Variants in CTNND2 observed in about 807,000 individuals in gnomAD.
CTNND2 encodes the protein catenin delta 2.
CTNND2 carries 22 observed loss-of-function variants against 144.4 expected under a neutral mutation model. The ratio of observed to expected loss-of-function variants is 0.15; its 90% confidence interval spans 0.11 to 0.22. The LOEUF (loss-of-function observed/expected upper bound fraction) is 0.22. CTNND2 is among the 10% of genes least tolerant of loss of function. The pLI is 1.00. For missense variants in CTNND2, 1,353 were observed against 1,618.8 expected, an observed-to-expected ratio of 0.84 and a Z score of 2.82; for synonymous variants, 751 against 695.6, an observed-to-expected ratio of 1.08 and a Z score of -1.25.
rs1171276873 is a variant in CTNND2, at chr5:11,470,980, ATTT to A, written c.288-58914_288-58912del. Among the ~76,000 whole-genome samples the A allele has an allele frequency of 1.2e-3, 110 of 91,452 alleles. 1 individual carries two copies. Among genetic ancestry groups the A allele is most frequent in the Middle Eastern group, 6.8e-3 (1 of 148 alleles). The allele number at this position is 91,452 out of a possible 152,430, so 60.0% of individuals were successfully genotyped here. ...TATATATATATATATATATATATAT[ATTT>A]TTTTTTTTTTTTTAGATGGAGTCTC... On this transcript the variant is annotated intron_variant, in intron 3 of 21. Coordinates refer to ENST00000304623, the MANE Select transcript of CTNND2 (RefSeq NM_001332.4).
chr5:11,018,480 C>G (rs1024920719), intron 17 of CTNND2, among the ~76,000 whole-genome samples: 14 of 152,150 alleles, frequency 9.2e-5, no homozygotes, highest in African/African-American at 3.1e-4. Context: ...CAACCCAAGA[C>G]GGGCCAAAAG....
In CTNND2 at chr5:10,973,209, G is replaced by T; in HGVS notation, c.*244C>A. On this transcript the variant is annotated 3_prime_UTR_variant, in exon 22 of 22. Transcript: ENST00000304623. The surrounding 1 kb of genome is among the most constrained non-coding windows in gnomAD (Gnocchi z 5.6). Reference sequence around the variant, plus strand: ...CACTTCTCGTTACTCTACAGCTCACGCTAGAAAGGTGCTGCCCACTGTCAT... The same window carrying T: ...CACTTCTCGTTACTCTACAGCTCACTCTAGAAAGGTGCTGCCCACTGTCAT... The T allele has an allele frequency of 2.2e-6, 1 of 448,408 alleles. No homozygotes were observed. Among genetic ancestry groups the T allele is most frequent in the Non-Finnish European group, 3.9e-6 (1 of 257,400 alleles). 27.8% of individuals were successfully genotyped at this position (448,408 alleles called of 1,614,324 possible).
chr5:11,050,750 C>G (rs79262624), intron 16 of CTNND2, among the ~76,000 whole-genome samples: 2,525 of 152,298 alleles, frequency 0.017, 81 homozygotes, highest in African/African-American at 0.058. Context: ...ACTTGTGCAA[C>G]ATTTGGCCCC....
At chr5:10,980,071 A>G (rs1737021938) in intron 21 of CTNND2, among the ~76,000 whole-genome samples, 1 of 152,334 alleles carries the variant, frequency 6.6e-6, no homozygotes, top group Non-Finnish European at 1.5e-5. Context: ...AATTAAATTA[A>G]GAGCTCCTGC....
At chr5:11,482,302 T>A (rs1428493795) in intron 3 of CTNND2, among the ~76,000 whole-genome samples, 2 of 151,996 alleles carry the variant, frequency 1.3e-5, no homozygotes, top group Non-Finnish European at 2.9e-5. Flanking sequence ...GATAGTGAGG[T>A]CTCCTGGTGA....
intron 21 of CTNND2, among the ~76,000 whole-genome samples, chr5:10,975,991 G>A (rs1736421860): frequency 6.6e-6 from 1 of 152,136 alleles, no homozygotes; most frequent in Admixed American, 6.5e-5. Flanking sequence ...TCATTCATCT[G>A]TACTGTTCAT....
In CTNND2 at chr5:11,765,169, T is replaced by G. The variant is rs535117972; in HGVS notation, c.38-32897A>C. Among the ~76,000 whole-genome samples, 14 of 152,264 alleles carry G rather than the reference T, an allele frequency of 9.2e-5. 1 individual carries two copies. The highest frequency in any genetic ancestry group is 3.4e-4 in the African/African-American group (14 of 41,538). On this transcript the variant is annotated intron_variant, in intron 1 of 21. Coordinates refer to ENST00000304623, the MANE Select transcript of CTNND2 (RefSeq NM_001332.4). ...GTCAGAGGATCTTGCAGTTCTGTGG[T>G]TCTAGGCTAAGGGCAGATGAATTAA... is the stretch of plus-strand genomic sequence containing the variant.
intron 1 of CTNND2, among the ~76,000 whole-genome samples, chr5:11,900,846 G>T (rs1208891433): frequency 6.6e-6 from 1 of 152,136 alleles, no homozygotes; most frequent in Non-Finnish European, 1.5e-5. Context: ...TTTGTTCATT[G>T]TCTGAATTAT....
intron 2 of CTNND2, among the ~76,000 whole-genome samples, chr5:11,712,436 G>A (rs1786085254): frequency 6.6e-6 from 1 of 152,092 alleles, no homozygotes; most frequent in African/African-American, 2.4e-5. Context: ...AATTATGGAT[G>A]AAATGTAGTA....
chr5:11,821,828 A>T (rs1407196318), intron 1 of CTNND2, among the ~76,000 whole-genome samples: 1 of 152,188 alleles, frequency 6.6e-6, no homozygotes, highest in Non-Finnish European at 1.5e-5. Context: ...ATTCGATTTC[A>T]TTTACTAGTG....
rs1411765874 is a variant in CTNND2, at chr5:11,392,542, C to A, written c.612+4489G>T. ...TTGCTCAGAAGAGAAAATGTTACAG[C>A]AAAACACATATACACCCTCTCTGCC... On this transcript the variant is annotated intron_variant, in intron 6 of 21. Transcript: ENST00000304623. Among the ~76,000 whole-genome samples the A allele has an allele frequency of 3.9e-5, 6 of 152,212 alleles. No homozygotes were observed. The East Asian group carries it at 1.2e-3, about 29-fold the overall frequency.
rs1035631254 is a variant in CTNND2, at chr5:11,774,569, A to T, written c.38-42297T>A. ...GTATAATAAAAAAAAATTAAAAAAA[A>T]AAACAATGATGGCTTTAGTCTAAAA... On this transcript the variant is annotated intron_variant, in intron 1 of 21. Coordinates refer to ENST00000304623, the MANE Select transcript of CTNND2 (RefSeq NM_001332.4). Among the ~76,000 whole-genome samples, 16 of 150,152 alleles carry T rather than the reference A, an allele frequency of 1.1e-4. 2 individuals carry two copies. The highest frequency in any genetic ancestry group is 3.9e-4 in the East Asian group (2 of 5,172).
intron 12 of CTNND2, among the ~76,000 whole-genome samples, chr5:11,132,947 A>G (rs764016904): frequency 1.3e-5 from 2 of 149,380 alleles, no homozygotes; most frequent in Non-Finnish European, 3.0e-5. Context: ...GGCAAAGAAC[A>G]AGACAAATGT....
intron 16 of CTNND2, among the ~76,000 whole-genome samples, chr5:11,067,404 A>G (rs1747732058): frequency 6.6e-6 from 1 of 152,212 alleles, no homozygotes; most frequent in East Asian, 1.9e-4. Flanking sequence ...TGCTGAAGAA[A>G]TACTTTCCTT....
intron 9 of CTNND2, among the ~76,000 whole-genome samples, chr5:11,331,322 G>A (rs561885291): frequency 2.0e-5 from 3 of 152,234 alleles, no homozygotes; most frequent in African/African-American, 7.2e-5. Flanking sequence ...ATGAGTTACT[G>A]CTTTCCTCCT....
chr5:11,440,656 C>G (rs1297142753), intron 3 of CTNND2, among the ~76,000 whole-genome samples: 1 of 152,066 alleles, frequency 6.6e-6, no homozygotes, highest in Non-Finnish European at 1.5e-5. Flanking sequence ...TCTCATAATA[C>G]CAGCATTATA....
Position 11,903,760 on chromosome 5 carries a change from A to AG in CTNND2, c.37+56dup. 6.9e-7 allele frequency: 1 copy of AG among 1,452,346 alleles called. No individual in the cohort carries two copies. Among genetic ancestry groups the AG allele is most frequent in the Admixed American group, 2.4e-5 (1 of 41,590 alleles). 90.0% of individuals were successfully genotyped at this position (1,452,346 alleles called of 1,614,324 possible). On this transcript the variant is annotated intron_variant, in intron 1 of 21. Transcript: ENST00000304623. The surrounding 1 kb of genome is among the most constrained non-coding windows in gnomAD (Gnocchi z 5.4). The stretch of plus-strand genomic sequence containing the variant: ...CACCCCCACCAGCGGCAAGAGGAGG[A>AG]GGACGGCGCCGGGAGGAGGCTGCGC...
At chr5:11,255,477 C>T (rs767068195) in intron 9 of CTNND2, among the ~76,000 whole-genome samples, 38 of 152,278 alleles carry the variant, frequency 2.5e-4, no homozygotes, top group Non-Finnish European at 3.8e-4. Context: ...AGGTTTCAAA[C>T]ATCTTTCAAA....
intron 1 of CTNND2, among the ~76,000 whole-genome samples, chr5:11,754,290 CT>C (rs544834340): frequency 6.5e-4 from 98 of 151,340 alleles, no homozygotes; most frequent in Non-Finnish European, 8.1e-4. Flanking sequence ...ATCTTTCTAA[CT>C]TTTTTTTATG....
Sources: gnomAD v4.1 joint callset for allele counts (sites outside exome capture counted in the v4.1 genomes callset) on GRCh38, gnomAD v4.1.1 for gene constraint, Gnocchi (gnomAD v3.1) non-coding constraint, MANE v1.5 for transcripts, NCBI Gene and HGNC (gene_info 2026-07-23, HGNC 2026-07-21) for gene names.